The following DMD variants were observed in gnomAD, a reference collection of about 807,000 sequenced individuals.
The protein encoded by DMD is mutant dystrophin.
DMD carries 63 observed loss-of-function variants against 330.1 expected under a neutral mutation model. The ratio of observed to expected loss-of-function variants is 0.19; its 90% confidence interval spans 0.16 to 0.24. The LOEUF (loss-of-function observed/expected upper bound fraction) is 0.24. DMD is among the 10% of genes least tolerant of loss of function. The pLI is 1.00. For missense variants in DMD, 3,344 were observed against 2,684.1 expected, an observed-to-expected ratio of 1.25 and a Z score of -5.43; for synonymous variants, 1,223 against 959.8, an observed-to-expected ratio of 1.27 and a Z score of -5.07.
intron 47 of DMD, among the ~76,000 whole-genome samples, chrX:31,919,009 C>T (rs1263635240): frequency 3.6e-5 from 4 of 111,659 alleles, no homozygotes; most frequent in Non-Finnish European, 7.5e-5. Flanking sequence ...AAATCTTACC[C>T]ATAGAGTGTC....
intron 44 of DMD, among the ~76,000 whole-genome samples, chrX:32,001,984 C>T (rs774933696): frequency 8.1e-5 from 9 of 111,758 alleles, no homozygotes; most frequent in South Asian, 3.7e-4. Flanking sequence ...TGTAAGATTT[C>T]TGTAAGCCGT....
intron 43 of DMD, among the ~76,000 whole-genome samples, chrX:32,221,983 C>T (rs925040212): frequency 8.9e-6 from 1 of 111,816 alleles, no homozygotes; most frequent in Admixed American, 9.5e-5. Context: ...TTTATCCACT[C>T]ATTGGTCGGC....
chrX:33,318,346 T>C (rs2053963117), intron 1 of DMD, among the ~76,000 whole-genome samples: 1 of 111,190 alleles, frequency 9.0e-6, no homozygotes, highest in South Asian at 3.8e-4. Flanking sequence ...GATCTTTATA[T>C]ACATGTTCGA....
intron 4 of DMD, among the ~76,000 whole-genome samples, chrX:32,826,407 C>G (rs1174651584): frequency 9.0e-6 from 1 of 111,284 alleles, no homozygotes; most frequent in Non-Finnish European, 1.9e-5. Context: ...TAGTGCTACT[C>G]AAAATAGCGA....
intron 44 of DMD, among the ~76,000 whole-genome samples, chrX:32,003,411 T>C (rs976053806): frequency 2.0e-4 from 22 of 111,896 alleles, no homozygotes; most frequent in Non-Finnish European, 5.7e-5. Context: ...AAACAAAATC[T>C]TACCTTGCCT....
chrX:32,237,537 G>A (rs1274225833), intron 43 of DMD, among the ~76,000 whole-genome samples: 4 of 110,843 alleles, frequency 3.6e-5, no homozygotes, highest in African/African-American at 1.3e-4. Flanking sequence ...GGCTTTGCAG[G>A]TAATACTAAT....
chrX:31,905,880 A>G (rs73619015), intron 47 of DMD, among the ~76,000 whole-genome samples: 5,052 of 112,037 alleles, frequency 0.045, 105 homozygotes, highest in Non-Finnish European at 0.049. Flanking sequence ...TTCAAAATGC[A>G]TGAAAAATTA....
At chrX:31,783,178 T>G (rs1398860951) in intron 50 of DMD, among the ~76,000 whole-genome samples, 1 of 111,683 alleles carries the variant, frequency 9.0e-6, no homozygotes, top group Non-Finnish European at 1.9e-5. Flanking sequence ...ACACTGCTAT[T>G]CTACCAAAAT....
intron 7 of DMD, among the ~76,000 whole-genome samples, chrX:32,726,587 T>C (rs1019844034): frequency 9.0e-6 from 1 of 111,507 alleles, no homozygotes; most frequent in African/African-American, 3.2e-5. Flanking sequence ...GCTATAATAA[T>C]ATCGAAACCA....
intron 1 of DMD, among the ~76,000 whole-genome samples, chrX:33,093,337 TCTGA>T (rs1213043483): frequency 8.9e-6 from 1 of 112,534 alleles, no homozygotes; most frequent in Non-Finnish European, 1.9e-5. Flanking sequence ...TTAACATTTC[TCTGA>T]CTGAGTGTAC....
chrX:32,790,354 A>G (rs1465962269), intron 7 of DMD, among the ~76,000 whole-genome samples: 1 of 111,796 alleles, frequency 8.9e-6, no homozygotes, highest in Non-Finnish European at 1.9e-5. Context: ...ATTCTTGTAC[A>G]AGATTCCTAC....
intron 2 of DMD, among the ~76,000 whole-genome samples, chrX:32,949,387 TAGATAGACAGAC>T (rs1404999214): frequency 1.0e-4 from 9 of 86,699 alleles, no homozygotes; most frequent in Admixed American, 4.6e-4. Context: ...GATAGATAGA[TAGATAGACAGAC>T]AGACAGACAG....
intron 9 of DMD, among the ~76,000 whole-genome samples, chrX:32,659,997 C>A (rs966118730): frequency 9.0e-6 from 1 of 110,709 alleles, no homozygotes; most frequent in Non-Finnish European, 1.9e-5. Context: ...AATAAAAGTC[C>A]TCTATCCTGT....
chrX:33,271,792 CA>C (rs1200403976), intron 1 of DMD, among the ~76,000 whole-genome samples: 1 of 101,755 alleles, frequency 9.8e-6, no homozygotes, highest in African/African-American at 4.1e-5. Context: ...AAAAAAAAAC[CA>C]AAAAAAAGAA....
Position 32,362,924 on chromosome X carries a change from T to C in DMD, c.5189A>G (p.Lys1730Arg). ...LKAELNDIRP[K>R]VDSTRDQAAN... ...TGCTTGGTCACGTGTAGAGTCCACC[T>C]TTGGGCGTATGTCATTCAGTTCTGC... The change falls in exon 37 of 79, where the codon AAG becomes AGG. Residue 1730 changes from lysine to arginine, a missense_variant. Coordinates refer to ENST00000357033, the MANE Select transcript of DMD (RefSeq NM_004006.3). 1 of 1,211,219 alleles carries C rather than the reference T, an allele frequency of 8.3e-7. No individual in the cohort carries two copies. Among genetic ancestry groups the C allele is most frequent in the Non-Finnish European group, 1.1e-6 (1 of 895,267 alleles).
chrX:33,055,404 G>A (rs1375022134), intron 1 of DMD, among the ~76,000 whole-genome samples: 1 of 111,920 alleles, frequency 8.9e-6, no homozygotes, highest in Non-Finnish European at 1.9e-5. Flanking sequence ...TTAGCTTCAG[G>A]AGTGGAAAAT....
chrX:32,549,354 T>C (rs1395371205), intron 16 of DMD, among the ~76,000 whole-genome samples: 2 of 111,862 alleles, frequency 1.8e-5, no homozygotes, highest in Non-Finnish European at 3.8e-5. Flanking sequence ...TGGTAATTTA[T>C]GCAGTTGCCC....
chrX:32,635,229 C>G (rs1404739249), intron 11 of DMD, among the ~76,000 whole-genome samples: 1 of 111,529 alleles, frequency 9.0e-6, no homozygotes, highest in African/African-American at 3.3e-5. Context: ...TGAGGGAGAG[C>G]TGGTATAGGT....
chrX:33,191,520 T>C (rs186846030), intron 1 of DMD, among the ~76,000 whole-genome samples: 1 of 110,670 alleles, frequency 9.0e-6, no homozygotes, highest in East Asian at 2.8e-4. Flanking sequence ...GCCTCCTGGG[T>C]TCAACGGATT....
Sources: gnomAD v4.1 joint callset for allele counts (sites outside exome capture counted in the v4.1 genomes callset) on GRCh38, gnomAD v4.1.1 for gene constraint, MANE v1.5 for transcripts, NCBI Gene and HGNC (gene_info 2026-07-23, HGNC 2026-07-21) for gene names.